The following UBR2 variants were observed in gnomAD, a reference collection of about 807,000 sequenced individuals.
UBR2 encodes E3 ubiquitin-protein ligase UBR2.
In UBR2, 92 loss-of-function variants were observed where a neutral mutation model predicts 247.9. That is an observed-to-expected ratio of 0.37 (90% CI 0.31 to 0.44). The LOEUF is 0.44. Ranked by LOEUF, UBR2 falls within the 20% of genes least tolerant of loss-of-function variation. The pLI is 1.00. For missense variants in UBR2, 1,613 were observed against 2,112.6 expected, an observed-to-expected ratio of 0.76 and a Z score of 4.64; for synonymous variants, 672 against 693.5, an observed-to-expected ratio of 0.97 and a Z score of 0.49.
At chr6:42,688,415 T>C (rs959617608) in intron 45 of UBR2, 29 bp downstream of exon 45, 10 of 1,609,740 alleles carry the variant, frequency 6.2e-6, no homozygotes, top group Non-Finnish European at 8.5e-6. Flanking sequence ...TTTTTAGCTT[T>C]GGATCTGCCT....
intron 21 of UBR2, among the ~76,000 whole-genome samples, chr6:42,645,795 A>C (rs1796720215): frequency 6.6e-6 from 1 of 152,244 alleles, no homozygotes; most frequent in Admixed American, 6.5e-5. Context: ...AATCTTTTAC[A>C]ATAAAGCCTT....
intron 7 of UBR2, among the ~76,000 whole-genome samples, chr6:42,611,851 G>A (rs1794108769): frequency 1.3e-5 from 2 of 150,700 alleles, no homozygotes; most frequent in Non-Finnish European, 2.9e-5. Flanking sequence ...AGGTTGCGGT[G>A]AGCCGAGATT....
At position 42,632,859 on chromosome 6, in the gene UBR2, C is replaced by T; in HGVS notation, c.1500C>T (p.Phe500=). The change falls in exon 13 of 47, where the codon TTC becomes TTT. Residue 500 remains phenylalanine, a synonymous_variant. Coordinates refer to ENST00000372901, the MANE Select transcript of UBR2 (RefSeq NM_001363705.2). ...TEWSDELRQK[F]LEGFDAFLEL... is the part of the protein sequence containing the mutation. ...GGTCAGATGAGCTGAGGCAGAAGTTCCTAGAAGGGTTTGATGCCTTTTTGG... is the reference window on the plus strand; with the variant it reads ...GGTCAGATGAGCTGAGGCAGAAGTTTCTAGAAGGGTTTGATGCCTTTTTGG... 6.2e-7 allele frequency: 1 copy of T among 1,604,324 alleles called. No homozygotes were observed. Among genetic ancestry groups the T allele is most frequent in the Non-Finnish European group, 8.5e-7 (1 of 1,177,142 alleles).
chr6:42,620,113 C>A, intron 11 of UBR2: 1 of 710,096 alleles, frequency 1.4e-6, no homozygotes, highest in Non-Finnish European at 1.7e-6. Flanking sequence ...AATGGTTAAA[C>A]CAATTCATGC....
rs149284445 is a variant in UBR2, at chr6:42,641,397, G to A, written c.1921-185G>A. Among the ~76,000 whole-genome samples the A allele has an allele frequency of 4.6e-3, 704 of 152,172 alleles. 3 individuals are homozygous for A. The highest frequency in any genetic ancestry group is 0.014 in the African/African-American group (577 of 41,510). On this transcript the variant is annotated intron_variant, in intron 16 of 46. Coordinates refer to ENST00000372901, the MANE Select transcript of UBR2 (RefSeq NM_001363705.2). ...GAGAATGGCTTGAACCTGGGAGGCC[G>A]AGATCGCACCACTGCACTAAAGCCT...
chr6:42,606,629 A>G lies in UBR2; in HGVS notation c.842A>G (p.Glu281Gly). 1 of 1,608,122 alleles carries G rather than the reference A, an allele frequency of 6.2e-7. No homozygotes were observed. The highest frequency in any genetic ancestry group is 8.5e-7 in the Non-Finnish European group (1 of 1,177,848). ...SVRYGDFQYC[E>G]QAKSVIVRNT... Reference sequence around the variant, plus strand: ...CGATATGGAGATTTTCAGTATTGTGAGCAAGCAAAATCAGTAATTGTGGTA... The same window carrying G: ...CGATATGGAGATTTTCAGTATTGTGGGCAAGCAAAATCAGTAATTGTGGTA... The change falls in exon 7 of 47, where the codon GAG becomes GGG. Residue 281 changes from glutamate to glycine, a missense_variant. Physicochemically the swap from Glu to Gly is moderately conservative, Grantham distance 98 (BLOSUM62 -2). Around this residue, in one of 3 missense-constraint regions of UBR2, gnomAD observed 1,524 missense variants for 1,967.3 expected, o/e 0.77. Transcript: ENST00000372901.
At chr6:42,574,637 C>A in intron 2 of UBR2, among the ~76,000 whole-genome samples, 1 of 151,520 alleles carries the variant, frequency 6.6e-6, no homozygotes, top group East Asian at 1.9e-4. Context: ...TTTTGACTGT[C>A]CAATTTTCCA....
chr6:42,652,013 T>C lies in UBR2; in HGVS notation c.2566-10T>C. 6.3e-7 allele frequency: 1 copy of C among 1,585,764 alleles called. No homozygotes were observed. The highest frequency in any genetic ancestry group is 8.5e-7 in the Non-Finnish European group (1 of 1,170,562). ...TAATTCCCGGTCCAAATAACTTTAT[T>C]TTTTATTAGGCAGAAGAAGCGCAAC... is the stretch of plus-strand genomic sequence containing the variant. On this transcript the variant is annotated splice_polypyrimidine_tract_variant and intron_variant, in intron 23 of 46. Coordinates refer to ENST00000372901, the MANE Select transcript of UBR2 (RefSeq NM_001363705.2).
At chr6:42,576,613 T>G (rs1303063676) in intron 2 of UBR2, among the ~76,000 whole-genome samples, 2 of 150,512 alleles carry the variant, frequency 1.3e-5, no homozygotes, top group East Asian at 3.9e-4. Flanking sequence ...CACTGCAACT[T>G]CTGCCTCCCG....
chr6:42,644,304 G>A lies in UBR2; in HGVS notation c.2188G>A (p.Gly730Arg). Residue 730 changes from glycine to arginine, a missense_variant, in exon 19 of 47, where the codon GGA becomes AGA. By Grantham distance (125) the Gly-to-Arg change is moderately radical. Coordinates refer to ENST00000372901, the MANE Select transcript of UBR2 (RefSeq NM_001363705.2). The part of the protein sequence containing the change: ...LYQIFSTPDY[G>R]KRFSSEITHK... ...TCAGATTTTCAGTACTCCAGACTAT[G>A]GAAAAAGATTTAGTTCTGAGATTAC... is the stretch of plus-strand genomic sequence containing the variant. 6.2e-7 allele frequency: 1 copy of A among 1,613,352 alleles called. No individual in the cohort carries two copies. Among genetic ancestry groups the A allele is most frequent in the African/African-American group, 1.3e-5 (1 of 74,956 alleles).
At chr6:42,568,205 A>G (rs1298013352) in intron 1 of UBR2, among the ~76,000 whole-genome samples, 1 of 152,190 alleles carries the variant, frequency 6.6e-6, no homozygotes, top group Non-Finnish European at 1.5e-5. Context: ...TAGTATATTC[A>G]GATTCATGCA....
At chr6:42,567,534 T>G (rs181985319) in intron 1 of UBR2, among the ~76,000 whole-genome samples, 22 of 152,084 alleles carry the variant, frequency 1.4e-4, no homozygotes, top group South Asian at 2.1e-4. Context: ...ATAGAGACCA[T>G]CCTGGCCAAC....
chr6:42,642,340 G>C (rs1796497400), intron 17 of UBR2, 76 bp from the exon 18 acceptor site: 1 of 983,702 alleles, frequency 1.0e-6, no homozygotes. Flanking sequence ...GTACAAACTT[G>C]TGCTTTTGGG....
chr6:42,658,162 G>C, intron 27 of UBR2, 29 bp downstream of exon 27: 1 of 1,611,790 alleles, frequency 6.2e-7, no homozygotes, highest in Non-Finnish European at 8.5e-7. Flanking sequence ...TCTGCTTTTT[G>C]TGAGAAATAT....
intron 11 of UBR2, among the ~76,000 whole-genome samples, chr6:42,618,570 AT>A: frequency 6.6e-6 from 1 of 152,300 alleles, no homozygotes; most frequent in South Asian, 2.1e-4. Context: ...GGATTTTTGC[AT>A]TTTGTCTTAA....
chr6:42,687,344 C>T (rs1311863886), intron 44 of UBR2, among the ~76,000 whole-genome samples: 1 of 152,106 alleles, frequency 6.6e-6, no homozygotes, highest in Non-Finnish European at 1.5e-5. Context: ...ACCAGTCAGG[C>T]GTGGCGGCGC....
At chr6:42,664,435 C>G (rs558217901) in intron 32 of UBR2, among the ~76,000 whole-genome samples, 2 of 152,308 alleles carry the variant, frequency 1.3e-5, no homozygotes, top group South Asian at 4.1e-4. Flanking sequence ...CTTCATTTCT[C>G]AATGTAGAAT....
intron 26 of UBR2, among the ~76,000 whole-genome samples, chr6:42,656,360 A>G (rs923284153): frequency 7.9e-5 from 12 of 152,222 alleles, no homozygotes; most frequent in African/African-American, 2.9e-4. Context: ...ATAGTCACTT[A>G]TAATGGGTAT....
In UBR2 at chr6:42,586,135, TG is replaced by T. The variant is rs1202574867; in HGVS notation, c.339-6013del. 6.6e-5 allele frequency among the ~76,000 whole-genome samples: 10 copies of T among 151,978 alleles called. No individual in the cohort carries two copies. In the East Asian group the frequency reaches 1.9e-3, roughly 29 times the overall value. ...ATCCTGGCACTTTGGAGGGCTAAAC[TG>T]GGTGGATAGCTTGAGCCCAGGAGTT... On this transcript the variant is annotated intron_variant, in intron 2 of 46. Coordinates refer to ENST00000372901, the MANE Select transcript of UBR2 (RefSeq NM_001363705.2).
Sources: allele counts gnomAD v4.1 joint callset (sites outside exome capture counted in the v4.1 genomes callset), GRCh38; gene constraint gnomAD v4.1.1; regional missense constraint gnomAD v4.1.1; transcripts MANE v1.5; gene names NCBI Gene and HGNC (gene_info 2026-07-23, HGNC 2026-07-21).